The following ZNF609 variants were observed in gnomAD, a reference collection of about 807,000 sequenced individuals.
ZNF609 encodes the protein zinc finger protein 609.
ZNF609 carries 11 observed loss-of-function variants against 109.5 expected under a neutral mutation model. That is an observed-to-expected ratio of 0.10 (90% confidence interval 0.06 to 0.17). The LOEUF (loss-of-function observed/expected upper bound fraction) is 0.17. ZNF609 is among the 10% of genes least tolerant of loss of function. The probability of loss-of-function intolerance (pLI) is 1.00; values close to 1 mark genes in which losing one functional copy is unlikely to be tolerated. For missense variants in ZNF609, 1,559 were observed against 1,772.4 expected, an observed-to-expected ratio of 0.88 and a Z score of 2.16; for synonymous variants, 646 against 662.0, an observed-to-expected ratio of 0.98 and a Z score of 0.37.
intron 2 of ZNF609, among the ~76,000 whole-genome samples, chr15:64,517,111 C>A (rs1469604690): frequency 6.6e-6 from 1 of 152,198 alleles, no homozygotes; most frequent in African/African-American, 2.4e-5. Flanking sequence ...TACGCTGGCT[C>A]ACTCCTATAA....
intron 2 of ZNF609, among the ~76,000 whole-genome samples, chr15:64,577,558 CAT>C (rs1171402206): frequency 3.5e-4 from 5 of 14,338 alleles, no homozygotes; most frequent in African/African-American, 5.8e-4. Context: ...TATATATACA[CAT>C]ATAAATATAT....
chr15:64,507,959 G>A (rs190104140), intron 2 of ZNF609, among the ~76,000 whole-genome samples: 24 of 152,248 alleles, frequency 1.6e-4, no homozygotes, highest in African/African-American at 5.8e-4. Flanking sequence ...CTGGCTGACC[G>A]AGGAGACATT....
At chr15:64,632,339 C>T (rs1896096249) in intron 3 of ZNF609, among the ~76,000 whole-genome samples, 1 of 152,108 alleles carries the variant, frequency 6.6e-6, no homozygotes, top group African/African-American at 2.4e-5. Flanking sequence ...CAGGCATGAG[C>T]AACCACACCC....
chr15:64,516,160 T>C (rs1289024458), intron 2 of ZNF609, among the ~76,000 whole-genome samples: 2 of 152,170 alleles, frequency 1.3e-5, no homozygotes, highest in Non-Finnish European at 2.9e-5. Flanking sequence ...CTCTTATTGT[T>C]CTTATTCCTT....
At chr15:64,516,611 C>G (rs1893815243) in intron 2 of ZNF609, among the ~76,000 whole-genome samples, 1 of 152,180 alleles carries the variant, frequency 6.6e-6, no homozygotes, top group Non-Finnish European at 1.5e-5. Context: ...CTCTTAAGCT[C>G]AAATGATCCT....
At chr15:64,474,238 A>C (rs1164929715) in intron 1 of ZNF609, among the ~76,000 whole-genome samples, 2 of 124,672 alleles carry the variant, frequency 1.6e-5, no homozygotes, top group African/African-American at 6.2e-5. Flanking sequence ...TTTGAGACTG[A>C]GTTTTGCTCT....
intron 1 of ZNF609, among the ~76,000 whole-genome samples, chr15:64,468,332 C>G (rs1399899696): frequency 6.6e-6 from 1 of 151,064 alleles, no homozygotes; most frequent in African/African-American, 2.4e-5. Context: ...CTTCTCCTTC[C>G]TTAAGACAGG....
chr15:64,476,600 G>A (rs780541660), intron 1 of ZNF609, among the ~76,000 whole-genome samples: 8 of 152,180 alleles, frequency 5.3e-5, no homozygotes, highest in Non-Finnish European at 1.0e-4. Flanking sequence ...GAGTCCAGCT[G>A]ACACTGAGGA....
At chr15:64,602,622 C>T (rs1895517854) in intron 2 of ZNF609, among the ~76,000 whole-genome samples, 1 of 151,072 alleles carries the variant, frequency 6.6e-6, no homozygotes, top group South Asian at 2.1e-4. Flanking sequence ...AGATTGCCTT[C>T]TTTTTTCTCT....
intron 2 of ZNF609, among the ~76,000 whole-genome samples, chr15:64,535,719 C>A (rs1372356092): frequency 2.0e-5 from 3 of 152,136 alleles, no homozygotes; most frequent in Admixed American, 6.6e-5. Context: ...AGTGACTATA[C>A]CATTTTACAT....
At chr15:64,476,760 G>T (rs1893176406) in intron 1 of ZNF609, among the ~76,000 whole-genome samples, 1 of 152,174 alleles carries the variant, frequency 6.6e-6, no homozygotes, top group African/African-American at 2.4e-5. Flanking sequence ...CTGAGGGGTG[G>T]GATTTACCCT....
chr15:64,685,166 T>A lies in ZNF609; in HGVS notation c.*3480T>A, dbSNP rs1164641897. ...TACATTACCAAGTTCCTTGTTTTTT[T>A]ATATATATATATAAATATATATATA... On this transcript the variant is annotated 3_prime_UTR_variant, in exon 10 of 10. Coordinates refer to ENST00000326648, the MANE Select transcript of ZNF609 (RefSeq NM_015042.2). 1 of 149,004 alleles carries A rather than the reference T, an allele frequency of 6.7e-6. No individual in the cohort carries two copies. Among genetic ancestry groups the A allele is most frequent in the African/African-American group, 2.5e-5 (1 of 40,088 alleles). The allele number at this position is 149,004 out of a possible 1,614,324, so 9.2% of individuals were successfully genotyped here.
At chr15:64,566,598 A>T (rs918575038) in intron 2 of ZNF609, among the ~76,000 whole-genome samples, 1 of 152,222 alleles carries the variant, frequency 6.6e-6, no homozygotes, top group Non-Finnish European at 1.5e-5. Flanking sequence ...GCTAAACACT[A>T]GTTAGGATTC....
intron 2 of ZNF609, among the ~76,000 whole-genome samples, chr15:64,521,499 C>G (rs891409027): frequency 6.6e-6 from 1 of 152,076 alleles, no homozygotes; most frequent in African/African-American, 2.4e-5. Flanking sequence ...CCTGTCCTTC[C>G]CTTAGTGTTA....
At position 64,674,478 on chromosome 15, in the gene ZNF609, C is replaced by T; in HGVS notation, c.1624C>T (p.His542Tyr). The T allele has an allele frequency of 6.2e-7, 1 of 1,614,192 alleles. No individual in the cohort carries two copies. The highest frequency in any genetic ancestry group is 1.6e-4 in the Middle Eastern group (1 of 6,062). ...DSEYGEEPIL[H>Y]ADLGSCNGAS... ...TGAGTACGGAGAGGAACCTATTCTC[C>T]ATGCAGATCTTGGGAGCTGCAACGG... The change falls in exon 5 of 10, where the codon CAT becomes TAT. Residue 542 changes from histidine to tyrosine, a missense_variant. His to Tyr is a moderately conservative substitution (Grantham distance 83). Coordinates refer to ENST00000326648, the MANE Select transcript of ZNF609 (RefSeq NM_015042.2).
chr15:64,547,090 C>A (rs1894377252), intron 2 of ZNF609, among the ~76,000 whole-genome samples: 2 of 151,912 alleles, frequency 1.3e-5, no homozygotes, highest in South Asian at 2.1e-4. Context: ...ACGCCTGGCC[C>A]AGTTTTTCAT....
At chr15:64,543,406 T>G (rs1021868904) in intron 2 of ZNF609, among the ~76,000 whole-genome samples, 4 of 151,280 alleles carry the variant, frequency 2.6e-5, no homozygotes, top group Non-Finnish European at 5.9e-5. Context: ...CTTTTTTCTC[T>G]GCTTAAAACA....
chr15:64,607,993 G>T (rs1295283472), intron 2 of ZNF609, among the ~76,000 whole-genome samples: 2 of 138,182 alleles, frequency 1.4e-5, no homozygotes, highest in African/African-American at 5.3e-5. Context: ...CCTCCTCCTG[G>T]ATTCAAGCAA....
rs185645707 is a variant in ZNF609 at position 64,499,459 on chromosome 15, G to A, written c.40G>A (p.Asp14Asn). The A allele has an allele frequency of 4.4e-5, 71 of 1,614,064 alleles. 1 individual carries two copies. In the Admixed American group the frequency reaches 9.5e-4, roughly 22 times the overall value. ...SSGASGGKGV[D>N]ANPVETYDSG... ...TGGAGCCTCCGGAGGGAAAGGAGTG[G>A]ATGCAAACCCGGTTGAGACATACGA... Residue 14 changes from aspartate (D) to asparagine (N), a missense_variant, in exon 2 of 10, where the codon GAT (aspartate) becomes AAT (asparagine). Around this residue, in one of 4 missense-constraint regions of ZNF609, gnomAD observed 26 missense variants for 58.4 expected, o/e 0.44. Coordinates refer to ENST00000326648, the MANE Select transcript of ZNF609 (RefSeq NM_015042.2).
Sources: gnomAD v4.1 joint callset for allele counts (sites outside exome capture counted in the v4.1 genomes callset) on GRCh38, gnomAD v4.1.1 for gene constraint, gnomAD v4.1.1 regional missense constraint, MANE v1.5 for transcripts, NCBI Gene and HGNC (gene_info 2026-07-23, HGNC 2026-07-21) for gene names.